The following SLC44A2 variants were observed in gnomAD, a reference collection of about 807,000 sequenced individuals.
SLC44A2 encodes the protein solute carrier family 44 member 2 (CTL2 blood group).
SLC44A2 carries 57 observed loss-of-function variants against 90.8 expected under a neutral mutation model. That is an observed-to-expected ratio of 0.63 (90% CI 0.51 to 0.78). SLC44A2 has a LOEUF of 0.78. Among genes scored for constraint, SLC44A2 ranks in the 30% least tolerant of loss-of-function variants. The probability of loss-of-function intolerance (pLI) is 0.00; values close to 1 mark genes in which losing one functional copy is unlikely to be tolerated. For synonymous variants in SLC44A2, 355 were observed against 360.7 expected, an observed-to-expected ratio of 0.98 and a Z score of 0.18; for missense variants, 794 against 919.7, an observed-to-expected ratio of 0.86 and a Z score of 1.77.
At chr19:10,620,466 C>G (rs2066887860) in intron 1 of SLC44A2, among the ~76,000 whole-genome samples, 1 of 152,082 alleles carries the variant, frequency 6.6e-6, no homozygotes, top group African/African-American at 2.4e-5. Flanking sequence ...AAAAAACAAA[C>G]AAACAAACAA....
chr19:10,640,932 A>C (rs934533155), intron 20 of SLC44A2: 8 of 213,140 alleles, frequency 3.8e-5, no homozygotes, highest in Admixed American at 1.1e-4. Context: ...TAAAAATACA[A>C]AAAAATTAGT....
At chr19:10,612,546 G>A (rs969960378) in intron 1 of SLC44A2, among the ~76,000 whole-genome samples, 3 of 152,146 alleles carry the variant, frequency 2.0e-5, no homozygotes, top group Admixed American at 6.6e-5. Flanking sequence ...GGCAGCTGGC[G>A]ATGCTCATTC....
At chr19:10,626,165 C>T in intron 1 of SLC44A2, 88 bp from the exon 2 acceptor site, 2 of 1,071,038 alleles carry the variant, frequency 1.9e-6, no homozygotes, top group Non-Finnish European at 2.9e-6. Flanking sequence ...GGCAAAGACA[C>T]CCCTAGGGGC....
chr19:10,618,635 A>T (rs546377127), intron 1 of SLC44A2, among the ~76,000 whole-genome samples: 2 of 150,720 alleles, frequency 1.3e-5, no homozygotes, highest in African/African-American at 2.5e-5. Context: ...GTCTGCCACC[A>T]CGCCCGGCTA....
At chr19:10,618,281 T>A (rs1209435501) in intron 1 of SLC44A2, among the ~76,000 whole-genome samples, 2 of 151,480 alleles carry the variant, frequency 1.3e-5, no homozygotes, top group African/African-American at 2.4e-5. Flanking sequence ...TTCACGCCAT[T>A]CTTCTGCCTC....
At chr19:10,611,008 A>C (rs1376369791) in intron 1 of SLC44A2, among the ~76,000 whole-genome samples, 1 of 151,744 alleles carries the variant, frequency 6.6e-6, no homozygotes, top group Non-Finnish European at 1.5e-5. Flanking sequence ...TTTATTTTTA[A>C]TTTAAAAAAA....
In SLC44A2 at chr19:10,631,471, G is replaced by GC. The variant is rs2066993526; in HGVS notation, c.442-3dup. On this transcript the variant is annotated splice_polypyrimidine_tract_variant and splice_region_variant and intron_variant, in intron 6 of 21. Transcript: ENST00000335757. ...GACTCACCTCCCTCCATCTCTCTTG[G>GC]CAGGGAGTGGCTGAGGTGCTTCAAG... 1 of 1,613,928 alleles carries GC rather than the reference G, an allele frequency of 6.2e-7. No individual in the cohort carries two copies. Among genetic ancestry groups the GC allele is most frequent in the African/African-American group, 1.3e-5 (1 of 74,916 alleles).
In SLC44A2 at chr19:10,635,612, G is replaced by A. The variant is rs941171295; in HGVS notation, c.1233+97G>A. 1.1e-5 allele frequency: 12 copies of A among 1,103,170 alleles called. No homozygotes were observed. In the African/African-American group the frequency reaches 1.9e-4, roughly 17 times the overall value. The allele number at this position is 1,103,170 out of a possible 1,614,324, so 68.3% of individuals were successfully genotyped here. A position where few individuals can be genotyped will look rare whatever the true frequency, so the allele number is the denominator to read the frequency against. On this transcript the variant is annotated intron_variant, in intron 14 of 21. Transcript: ENST00000335757. ...CCACTTGGAGGTTCAGCAAACAATTGGCCCCTGTTGCATGTCCTGTGCTAG... is the reference window on the plus strand; with the variant it reads ...CCACTTGGAGGTTCAGCAAACAATTAGCCCCTGTTGCATGTCCTGTGCTAG...
At chr19:10,615,894 G>GT (rs1274489652) in intron 1 of SLC44A2, among the ~76,000 whole-genome samples, 2 of 152,090 alleles carry the variant, frequency 1.3e-5, no homozygotes, top group African/African-American at 4.8e-5. Context: ...GCTGGACATG[G>GT]TGGCTCACAC....
chr19:10,628,566 A>AAAAGAAAAC (rs1366386991), intron 4 of SLC44A2, among the ~76,000 whole-genome samples: 1 of 152,142 alleles, frequency 6.6e-6, no homozygotes, highest in East Asian at 1.9e-4. Context: ...AAACAACAAG[A>AAAAGAAAAC]AAAGAAAACA....
At position 10,631,624 on chromosome 19, in the gene SLC44A2, A is replaced by G; in HGVS notation, c.503-2A>G. 7 of 1,613,866 alleles carry G rather than the reference A, an allele frequency of 4.3e-6. No individual in the cohort carries two copies. Among genetic ancestry groups the G allele is most frequent in the Non-Finnish European group, 5.9e-6 (7 of 1,180,022 alleles). On this transcript the variant is annotated splice_acceptor_variant, in intron 7 of 21. Coordinates refer to ENST00000335757, the MANE Select transcript of SLC44A2 (RefSeq NM_020428.4). LOFTEE classifies it high-confidence loss of function. ...ACTGGTGCCATCCTCTGCTCCATGC[A>G]GTGGCCCGGAGATGCTTCCCCGCTA... is the stretch of plus-strand genomic sequence containing the variant.
chr19:10,624,631 T>C (rs796648540), upstream of SLC44A2, among the ~76,000 whole-genome samples: 7 of 152,366 alleles, frequency 4.6e-5, no homozygotes, highest in African/African-American at 1.4e-4. Flanking sequence ...TTTCATACTT[T>C]AGCCTCATTT....
rs751275034 is a variant in SLC44A2 at position 10,632,083 on chromosome 19, C to T, written c.750C>T (p.Ile250=). Reference sequence around the variant, plus strand: ...CCATGGCGATGAGCCTCCTGTTCATCATCCTGCTTCGCTTCCTGGCTGGTA... The same window carrying T: ...CCATGGCGATGAGCCTCCTGTTCATTATCCTGCTTCGCTTCCTGGCTGGTA... ...VIAMAMSLLF[I]ILLRFLAGIM... Residue 250 remains isoleucine, a synonymous_variant, in exon 10 of 22, where the codon ATC becomes ATT. Coordinates refer to ENST00000335757, the MANE Select transcript of SLC44A2 (RefSeq NM_020428.4). 4 of 1,614,046 alleles carry T rather than the reference C, an allele frequency of 2.5e-6. No individual in the cohort carries two copies. The highest frequency in any genetic ancestry group is 1.3e-5 in the African/African-American group (1 of 74,924).
Position 10,637,740 on chromosome 19 carries a change from A to G in SLC44A2, c.1688A>G (p.Tyr563Cys), listed in dbSNP as rs2144881795. The change falls in exon 17 of 22, where the codon TAC (tyrosine) becomes TGC (cysteine). Residue 563 changes from tyrosine (Y) to cysteine (C), a missense_variant. By Grantham distance (194) the Tyr-to-Cys change is radical. This residue lies in a region of SLC44A2 where 738 missense variants were observed against 841.1 expected (regional missense o/e 0.88). Coordinates refer to ENST00000335757, the MANE Select transcript of SLC44A2 (RefSeq NM_020428.4). ...KFIKFLNRNA[Y>C]IMIAIYGTNF... ...ATCAAATTCCTTAATAGGAATGCCT[A>G]CATCATGGTGAGTGGGCCTGGGACC... 6.2e-7 allele frequency: 1 copy of G among 1,613,918 alleles called. No individual in the cohort carries two copies. Among genetic ancestry groups the G allele is most frequent in the East Asian group, 2.2e-5 (1 of 44,874 alleles).
At chr19:10,632,258 C>A (rs532335745) in intron 10 of SLC44A2, 102 bp downstream of exon 10, 5 of 1,076,778 alleles carry the variant, frequency 4.6e-6, no homozygotes, top group African/African-American at 1.6e-5. Flanking sequence ...AAAGTCAGGC[C>A]GGGCGTGGTG....
At chr19:10,623,261 G>T (rs776694421), upstream of SLC44A2, among the ~76,000 whole-genome samples, 1 of 152,148 alleles carries the variant, frequency 6.6e-6, no homozygotes, top group Non-Finnish European at 1.5e-5. Flanking sequence ...TGTGGTCCAG[G>T]TGTTTAGACA....
chr19:10,618,393 C>G (rs2066872143), intron 1 of SLC44A2, among the ~76,000 whole-genome samples: 1 of 150,742 alleles, frequency 6.6e-6, no homozygotes, highest in Admixed American at 6.7e-5. Context: ...CCAGGATGGT[C>G]TCGATCTCCT....
At chr19:10,611,599 G>A (rs746836030) in intron 1 of SLC44A2, among the ~76,000 whole-genome samples, 5 of 151,952 alleles carry the variant, frequency 3.3e-5, no homozygotes, top group Admixed American at 6.6e-5. Context: ...TGGGTGGATC[G>A]CTTGAGTCCA....
chr19:10,631,059 A>T lies in SLC44A2; in HGVS notation c.248A>T (p.Asn83Ile), dbSNP rs774533587. 4.3e-6 allele frequency: 7 copies of T among 1,613,244 alleles called. No individual in the cohort carries two copies. In the East Asian group the frequency reaches 6.7e-5, roughly 15 times the overall value. The change falls in exon 5 of 22, where the codon AAC becomes ATC. Residue 83 changes from asparagine to isoleucine, a missense_variant and splice_region_variant. Asn to Ile is a moderately radical substitution (Grantham distance 149). Transcript: ENST00000335757. ...FCGQKGTKNE[N>I]KPYLFYFNIV... Reference sequence around the variant, plus strand: ...CATTCTCCCTTCTCTAACTCCAGGAACAAACCCTATCTGTTTTATTTCAAC... The same window carrying T: ...CATTCTCCCTTCTCTAACTCCAGGATCAAACCCTATCTGTTTTATTTCAAC...
Sources: allele counts gnomAD v4.1 joint callset (sites outside exome capture counted in the v4.1 genomes callset), GRCh38; gene constraint gnomAD v4.1.1; regional missense constraint gnomAD v4.1.1; transcripts MANE v1.5; gene names NCBI Gene and HGNC (gene_info 2026-07-23, HGNC 2026-07-21).